CCDC181: variants seen among roughly 807,000 people sequenced by gnomAD.
CCDC181 encodes the protein coiled-coil domain containing 181, also known as coiled-coil domain-containing protein 181.
Under a neutral mutation model 58.7 loss-of-function variants are expected in CCDC181, and 35 were observed. The observed-to-expected ratio is 0.60, with a 90% CI of 0.46 to 0.79. The LOEUF is 0.79. CCDC181 is among the 30% of genes least tolerant of loss of function. The pLI is 0.00. For synonymous variants in CCDC181, 183 were observed against 197.5 expected, an observed-to-expected ratio of 0.93 and a Z score of 0.62; for missense variants, 517 against 583.9, an observed-to-expected ratio of 0.89 and a Z score of 1.18.
intron 4 of CCDC181, among the ~76,000 whole-genome samples, chr1:169,397,935 T>G (rs1365649518): frequency 1.3e-5 from 2 of 152,184 alleles, no homozygotes; most frequent in Non-Finnish European, 2.9e-5. Flanking sequence ...AATATAAGCT[T>G]TGTGATTGAG....
rs1656378656 is a variant in CCDC181, at chr1:169,419,779, G to A, written c.1069-620C>T. On this transcript the variant is annotated intron_variant, in intron 3 of 5. Transcript: ENST00000367806. ...ATTATCTTTCCAAGGGGAACATTCA[G>A]GTATATTACACAGAAGCTATCAGCC... 3.3e-5 allele frequency among the ~76,000 whole-genome samples: 5 copies of A among 152,226 alleles called. No individual in the cohort carries two copies. In the South Asian group the frequency reaches 1.0e-3, roughly 32 times the overall value.
At chr1:169,449,205 T>C (rs1181598201) in intron 2 of CCDC181, among the ~76,000 whole-genome samples, 2 of 152,222 alleles carry the variant, frequency 1.3e-5, no homozygotes, top group African/African-American at 4.8e-5. Context: ...TTTTAGCATA[T>C]CTTGTAAATT....
At chr1:169,411,135 G>A (rs543494028) in intron 4 of CCDC181, among the ~76,000 whole-genome samples, 61 of 151,990 alleles carry the variant, frequency 4.0e-4, no homozygotes, top group Admixed American at 2.1e-3. Context: ...TACATAGACC[G>A]CTATCCAGAC....
intron 4 of CCDC181, among the ~76,000 whole-genome samples, chr1:169,416,267 C>T (rs1346533212): frequency 2.6e-5 from 4 of 152,212 alleles, no homozygotes; most frequent in African/African-American, 4.8e-5. Flanking sequence ...AGGTGGGCCA[C>T]GCACTACACT....
At chr1:169,426,238 C>A (rs904754671) in intron 1 of CCDC181, among the ~76,000 whole-genome samples, 3 of 152,142 alleles carry the variant, frequency 2.0e-5, no homozygotes, top group African/African-American at 7.2e-5. Context: ...TTTTCAAATG[C>A]GTCACAGGAT....
At chr1:169,410,541 C>A (rs1453520226) in intron 4 of CCDC181, among the ~76,000 whole-genome samples, 2 of 152,130 alleles carry the variant, frequency 1.3e-5, no homozygotes, top group Non-Finnish European at 2.9e-5. Context: ...ACCAAGCGGA[C>A]CTAATAGACA....
chr1:169,398,982 C>T (rs1284981414), intron 4 of CCDC181, among the ~76,000 whole-genome samples: 1 of 152,076 alleles, frequency 6.6e-6, no homozygotes, highest in East Asian at 1.9e-4. Context: ...TTGTGTTTGG[C>T]ATGATCAATA....
intron 4 of CCDC181, among the ~76,000 whole-genome samples, chr1:169,401,386 G>C (rs1315120362): frequency 1.3e-5 from 2 of 152,202 alleles, no homozygotes; most frequent in East Asian, 3.9e-4. Context: ...AGGCTAACTG[G>C]GAGACACCTC....
At chr1:169,410,933 A>C (rs1008321604) in intron 4 of CCDC181, among the ~76,000 whole-genome samples, 1 of 152,252 alleles carries the variant, frequency 6.6e-6, no homozygotes, top group African/African-American at 2.4e-5. Flanking sequence ...CCACAGGAGA[A>C]AGCGGGAAAC....
At chr1:169,443,596 G>A (rs972584729) in intron 2 of CCDC181, among the ~76,000 whole-genome samples, 1 of 152,080 alleles carries the variant, frequency 6.6e-6, no homozygotes, top group African/African-American at 2.4e-5. Context: ...TTGAATCTAA[G>A]TGCCATTTAC....
At chr1:169,404,792 G>A (rs1468012764) in intron 4 of CCDC181, among the ~76,000 whole-genome samples, 1 of 152,174 alleles carries the variant, frequency 6.6e-6, no homozygotes, top group East Asian at 1.9e-4. Flanking sequence ...TCAACATAGT[G>A]TTGGAAGTTC....
chr1:169,438,276 C>T (rs1657111149), intron 2 of CCDC181, among the ~76,000 whole-genome samples: 2 of 151,990 alleles, frequency 1.3e-5, no homozygotes, highest in Non-Finnish European at 2.9e-5. Context: ...AACACACCCA[C>T]AAACAGACTC....
upstream of CCDC181, among the ~76,000 whole-genome samples, chr1:169,430,986 C>T (rs1656905734): frequency 6.6e-6 from 1 of 152,144 alleles, no homozygotes; most frequent in Non-Finnish European, 1.5e-5. Flanking sequence ...CTCTTTGCAA[C>T]CAATCAGGGG....
chr1:169,395,160 C>G lies in CCDC181; in HGVS notation c.1417G>C (p.Val473Leu). The G allele has an allele frequency of 6.2e-7, 1 of 1,613,002 alleles. No individual in the cohort carries two copies. Among genetic ancestry groups the G allele is most frequent in the Non-Finnish European group, 8.5e-7 (1 of 1,179,598 alleles). ...CGGAGCTGTCTAGTTCTCTCTCTGA[C>G]AGCTTGTTGCTCTGCCATTTTTTCC... ...RMEKMAEQQA[V>L]RERTRQLRLE... The change falls in exon 6 of 6, where the codon GTC becomes CTC. Residue 473 changes from valine (V) to leucine (L), a missense_variant. By Grantham distance (32) the Val-to-Leu change is conservative (BLOSUM62 1). Coordinates refer to ENST00000367806, the MANE Select transcript of CCDC181 (RefSeq NM_001300969.2).
chr1:169,436,221 G>GA lies in CCDC181; in HGVS notation c.-23-11272dup, dbSNP rs200624620. Among the ~76,000 whole-genome samples the GA allele has an allele frequency of 3.0e-3, 438 of 147,696 alleles. 1 individual carries two copies. Among genetic ancestry groups the GA allele is most frequent in the African/African-American group, 4.0e-3 (162 of 40,194 alleles). ...GTTAAAAGTAGGTACTCTGACACCA[G>GA]AAAAAAAAAATGCTTTTAAAGAACT... On this transcript the variant is annotated intron_variant, in intron 2 of 6. Coordinates refer to the CCDC181 transcript ENST00000545005.
intron 1 of CCDC181, among the ~76,000 whole-genome samples, chr1:169,425,221 T>C (rs1232373213): frequency 1.3e-5 from 2 of 152,126 alleles, no homozygotes; most frequent in Non-Finnish European, 2.9e-5. Flanking sequence ...ATAAAGTTAA[T>C]TTTTGGTACA....
At chr1:169,442,007 G>A (rs980091148) in intron 2 of CCDC181, among the ~76,000 whole-genome samples, 28 of 152,090 alleles carry the variant, frequency 1.8e-4, no homozygotes, top group African/African-American at 6.7e-4. Flanking sequence ...ACAATATGAG[G>A]AAGAGAACAG....
intron 4 of CCDC181, among the ~76,000 whole-genome samples, chr1:169,403,146 A>G (rs1202397655): frequency 1.3e-5 from 2 of 152,224 alleles, no homozygotes; most frequent in African/African-American, 4.8e-5. Context: ...ATACAGGAGC[A>G]CCCAGATTCA....
At chr1:169,454,604 A>G (rs1316245978) in intron 2 of CCDC181, 1 of 152,094 alleles carries the variant, frequency 6.6e-6, no homozygotes, top group Non-Finnish European at 1.5e-5. Flanking sequence ...GCAGGAGTAT[A>G]ATAGAAATAC....
Sources: gnomAD v4.1 joint callset for allele counts (sites outside exome capture counted in the v4.1 genomes callset) on GRCh38, gnomAD v4.1.1 for gene constraint, MANE v1.5 for transcripts, NCBI Gene and HGNC (gene_info 2026-07-23, HGNC 2026-07-21) for gene names.